SHB: variants seen among roughly 807,000 people sequenced by gnomAD.
SHB encodes the protein SH2 domain containing adaptor protein B.
SHB carries 20 observed loss-of-function variants against 52.3 expected under a neutral mutation model. That is an observed-to-expected ratio of 0.38 (90% confidence interval 0.27 to 0.56). The LOEUF (loss-of-function observed/expected upper bound fraction) is 0.56, where lower values mean the gene tolerates loss of function less well. Among genes scored for constraint, SHB ranks in the 20% least tolerant of loss-of-function variants. The pLI is 0.71. For synonymous variants in SHB, 397 were observed against 316.5 expected (o/e 1.25, Z -2.70); for missense variants, 825 against 723.3 (o/e 1.14, Z -1.61).
intron 4 of SHB, among the ~76,000 whole-genome samples, chr9:37,952,401 C>A (rs1160471374): frequency 1.3e-5 from 2 of 152,208 alleles, no homozygotes; most frequent in Non-Finnish European, 2.9e-5. Context: ...TTGCAGTGCT[C>A]ACAGAGCAGA....
At chr9:37,948,364 G>A (rs1027504905) in intron 5 of SHB, among the ~76,000 whole-genome samples, 2 of 152,144 alleles carry the variant, frequency 1.3e-5, no homozygotes, top group African/African-American at 2.4e-5. Flanking sequence ...GTACCACCCC[G>A]GCTCACAGCA....
chr9:37,924,099 G>A (rs1407403346), intron 5 of SHB, among the ~76,000 whole-genome samples: 1 of 152,262 alleles, frequency 6.6e-6, no homozygotes, highest in Non-Finnish European at 1.5e-5. Context: ...CGAGGGCAAA[G>A]TCACAATGAG....
rs1045381204 is a variant in SHB at position 38,068,706 on chromosome 9, G to T, written c.-61C>A. The T allele has an allele frequency of 1.4e-5, 17 of 1,201,818 alleles. No homozygotes were observed. Among genetic ancestry groups the T allele is most frequent in the Non-Finnish European group, 1.8e-5 (17 of 964,424 alleles). 74.4% of individuals were successfully genotyped at this position (1,201,818 alleles called of 1,614,324 possible). On this transcript the variant is annotated 5_prime_UTR_variant, in exon 1 of 6. Coordinates refer to ENST00000377707, the MANE Select transcript of SHB (RefSeq NM_003028.3). ...CGGTCCGCCGCCGCGGCCATTCGGG[G>T]GGCAGCGCTGCGGCGCAGGTCCCTC... is the stretch of plus-strand genomic sequence containing the variant.
At chr9:37,980,102 C>T (rs1820706137) in intron 2 of SHB, among the ~76,000 whole-genome samples, 1 of 152,070 alleles carries the variant, frequency 6.6e-6, no homozygotes, top group South Asian at 2.1e-4. Flanking sequence ...TTATGCCCCT[C>T]CCCCCAGCTG....
intron 2 of SHB, among the ~76,000 whole-genome samples, chr9:37,993,548 T>TA (rs1478191382): frequency 1.3e-5 from 2 of 152,064 alleles, no homozygotes; most frequent in Non-Finnish European, 2.9e-5. Context: ...CCTTAGAACT[T>TA]AAAGTATAAT....
intron 2 of SHB, among the ~76,000 whole-genome samples, chr9:37,987,904 G>A (rs966562402): frequency 2.6e-5 from 4 of 151,844 alleles, no homozygotes; most frequent in Non-Finnish European, 5.9e-5. Flanking sequence ...GTAGAGCCAG[G>A]GTCCTCTGCT....
chr9:37,941,758 C>T (rs887304655), intron 5 of SHB, among the ~76,000 whole-genome samples: 5 of 152,168 alleles, frequency 3.3e-5, no homozygotes, highest in African/African-American at 9.7e-5. Flanking sequence ...CCAGGGAGGT[C>T]CCACTGTGGC....
At chr9:38,007,065 T>G (rs1483537897) in intron 2 of SHB, among the ~76,000 whole-genome samples, 1 of 152,158 alleles carries the variant, frequency 6.6e-6, no homozygotes, top group Non-Finnish European at 1.5e-5. Flanking sequence ...GTTAACTCCA[T>G]GAGAACAACT....
At chr9:38,007,012 G>T (rs1821083198) in intron 2 of SHB, among the ~76,000 whole-genome samples, 1 of 152,166 alleles carries the variant, frequency 6.6e-6, no homozygotes, top group African/African-American at 2.4e-5. Flanking sequence ...GAGTTTCGGG[G>T]AATCATGGGT....
rs142429302 is a variant in SHB at position 37,919,926 on chromosome 9, G to A, written c.1425C>T (p.Phe475=). The part of the protein sequence containing the change: ...KYVLGQNSPP[F]DSVPEVIHYY... ...AGTGGATGACTTCCGGGACACTGTCGAACGGAGGGCTGTTCTGACCCAGAA... is the reference window on the plus strand; with the variant it reads ...AGTGGATGACTTCCGGGACACTGTCAAACGGAGGGCTGTTCTGACCCAGAA... The change falls in exon 6 of 6, where the codon TTC becomes TTT. Residue 475 remains phenylalanine, a synonymous_variant. Coordinates refer to ENST00000377707, the MANE Select transcript of SHB (RefSeq NM_003028.3). 157 of 1,614,004 alleles carry A rather than the reference G, an allele frequency of 9.7e-5. No individual in the cohort carries two copies. The highest frequency in any genetic ancestry group is 3.3e-4 in the Middle Eastern group (2 of 6,060).
chr9:37,987,835 C>A (rs531941504), intron 2 of SHB, among the ~76,000 whole-genome samples: 1 of 152,250 alleles, frequency 6.6e-6, no homozygotes, highest in East Asian at 1.9e-4. Context: ...CTGGTGCCGG[C>A]CTGGCTGGTG....
chr9:38,050,318 C>T (rs1388747012), intron 1 of SHB, among the ~76,000 whole-genome samples: 1 of 152,164 alleles, frequency 6.6e-6, no homozygotes, highest in East Asian at 1.9e-4. Context: ...AAATGCCATG[C>T]CCCAATTAAG....
rs192399743 is a variant in SHB at position 38,015,436 on chromosome 9, C to T, written c.838+575G>A. On this transcript the variant is annotated intron_variant, in intron 2 of 5. Transcript: ENST00000377707. ...ACAAGGTTTTGTCATCAAGGGCCAACAGGAAAACAGCCACTGGGGGAATGT... is the reference window on the plus strand; with the variant it reads ...ACAAGGTTTTGTCATCAAGGGCCAATAGGAAAACAGCCACTGGGGGAATGT... 10 of 703,100 alleles carry T rather than the reference C, an allele frequency of 1.4e-5. No individual in the cohort carries two copies. In the Admixed American group the frequency reaches 1.8e-4, roughly 13 times the overall value. The allele number at this position is 703,100 out of a possible 1,614,324, so 43.6% of individuals were successfully genotyped here.
intron 5 of SHB, among the ~76,000 whole-genome samples, chr9:37,948,153 G>A (rs957277896): frequency 2.0e-5 from 3 of 152,140 alleles, no homozygotes; most frequent in Admixed American, 1.3e-4. Context: ...CACACAAACC[G>A]CAAGCCAGAG....
At chr9:38,039,300 A>C (rs1821537506) in intron 1 of SHB, among the ~76,000 whole-genome samples, 1 of 152,240 alleles carries the variant, frequency 6.6e-6, no homozygotes, top group Non-Finnish European at 1.5e-5. Context: ...AAACTGACAA[A>C]ATGGGCTCTT....
intron 2 of SHB, among the ~76,000 whole-genome samples, chr9:38,002,637 G>T (rs1821030183): frequency 6.6e-6 from 1 of 152,146 alleles, no homozygotes. Context: ...CATCTGTCTA[G>T]TCCCCCAACC....
At chr9:37,967,408 G>A (rs1021148579) in intron 3 of SHB, among the ~76,000 whole-genome samples, 8 of 152,118 alleles carry the variant, frequency 5.3e-5, no homozygotes, top group Admixed American at 2.6e-4. Flanking sequence ...CTGGCTAAGG[G>A]GTGATACCAT....
intron 3 of SHB, among the ~76,000 whole-genome samples, chr9:37,966,183 A>G (rs1163575079): frequency 6.6e-6 from 1 of 152,246 alleles, no homozygotes; most frequent in African/African-American, 2.4e-5. Context: ...CCAGGCACAG[A>G]TCACAGGTGT....
intron 1 of SHB, among the ~76,000 whole-genome samples, chr9:38,037,164 G>A (rs1038067741): frequency 6.6e-6 from 1 of 152,154 alleles, no homozygotes; most frequent in Admixed American, 6.5e-5. Flanking sequence ...AGAATCCTGC[G>A]ATCTCCTTAT....
Sources: allele counts gnomAD v4.1 joint callset (sites outside exome capture counted in the v4.1 genomes callset), GRCh38; gene constraint gnomAD v4.1.1; transcripts MANE v1.5; gene names NCBI Gene and HGNC (gene_info 2026-07-23, HGNC 2026-07-21).